The following EEF2 variants were observed in gnomAD, a reference collection of about 807,000 sequenced individuals.
EEF2 encodes eukaryotic translation elongation factor 2.
A neutral mutation model predicts 85.3 loss-of-function variants in EEF2; 21 were observed. The observed-to-expected ratio is 0.25, with a 90% confidence interval of 0.17 to 0.35. EEF2 has a LOEUF of 0.35. Among genes scored for constraint, EEF2 ranks in the 10% least tolerant of loss-of-function variants. EEF2 has a pLI of 1.00. For synonymous variants in EEF2, 723 were observed against 508.8 expected (o/e 1.42, Z -5.67); for missense variants, 825 against 1,225.3 (o/e 0.67, Z 4.88).
intron 11 of EEF2, 116 bp downstream of exon 11, chr19:3,979,213 G>A (rs1464814477): frequency 2.7e-5 from 20 of 753,122 alleles, no homozygotes; most frequent in East Asian, 2.5e-4. Context: ...TTAAGAAGCT[G>A]AGACCAAGAC....
Position 3,978,131 on chromosome 19 carries a change from T to C in EEF2, c.1755A>G (p.Glu585=), listed in dbSNP as rs1437101268. Residue 585 remains glutamate (E), a synonymous_variant, in exon 12 of 15, where the codon GAA becomes GAG. Coordinates refer to ENST00000309311, the MANE Select transcript of EEF2 (RefSeq NM_001961.4). ...TGGAGAGGCAGAGCACGTTCGACTC[T>C]TCACTGACCGTCTCGCGGTACGAGA... ...PVVSYRETVS[E]ESNVLCLSKS... 1 of 1,481,564 alleles carries C rather than the reference T, an allele frequency of 6.7e-7. No homozygotes were observed. The highest frequency in any genetic ancestry group is 1.4e-5 in the South Asian group (1 of 72,672). 91.8% of individuals were successfully genotyped at this position (1,481,564 alleles called of 1,614,324 possible). A position where few individuals can be genotyped will look rare whatever the true frequency, so the allele number is the denominator to read the frequency against.
chr19:3,980,338 A>T (rs2039729977), intron 9 of EEF2, among the ~76,000 whole-genome samples, 176 bp downstream of exon 9: 2 of 152,186 alleles, frequency 1.3e-5, no homozygotes, highest in Admixed American at 6.5e-5. Flanking sequence ...TGGGGCTTGG[A>T]GCTTCTCCAG....
intron 4 of EEF2, 157 bp downstream of exon 4, chr19:3,982,650 G>T (rs2039768756): frequency 1.8e-6 from 2 of 1,098,768 alleles, no homozygotes; most frequent in African/African-American, 1.5e-5. Context: ...ATCAAGGGCT[G>T]GGTCAAGTCG....
intron 1 of EEF2, 75 bp downstream of exon 1, chr19:3,985,303 T>A (rs2039806316): frequency 7.4e-7 from 1 of 1,343,266 alleles, no homozygotes; most frequent in African/African-American, 1.5e-5. Context: ...GGCCCCAGCG[T>A]CCCAGGCTAG....
chr19:3,985,186 G>A (rs1240511959), intron 1 of EEF2, 192 bp downstream of exon 1: 3 of 564,484 alleles, frequency 5.3e-6, no homozygotes, highest in South Asian at 6.7e-5. Flanking sequence ...CCTCGGAAAC[G>A]GAGAAAGGGC....
chr19:3,982,602 C>G (rs757521383), intron 4 of EEF2, 178 bp from the exon 5 acceptor site: 1 of 1,055,520 alleles, frequency 9.5e-7, no homozygotes, highest in East Asian at 2.4e-5. Context: ...CCACCCAGGG[C>G]AGCGTTCCCT....
chr19:3,984,410 G>C, intron 1 of EEF2, 60 bp from the exon 2 acceptor site: 1 of 1,570,176 alleles, frequency 6.4e-7, no homozygotes, highest in Non-Finnish European at 8.7e-7. Flanking sequence ...GCATGGCACG[G>C]AGCGTTCAGT....
At chr19:3,983,876 GAGTGGGGGCA>G in intron 2 of EEF2, 1 of 528,528 alleles carries the variant, frequency 1.9e-6, no homozygotes, top group East Asian at 3.3e-5. Context: ...GATATTGTAG[GAGTGGGGGCA>G]AGTCCCCCAG....
chr19:3,985,121 C>T (rs954875266), intron 1 of EEF2: 4 of 397,810 alleles, frequency 1.0e-5, no homozygotes, highest in Non-Finnish European at 1.8e-5. Context: ...TCATTCCCCA[C>T]CCCCATCCCC....
rs765059823 is a variant in EEF2, at chr19:3,979,383, G to A, written c.1659C>T (p.His553=). ...CCAGGTCCTTCAGGCAGATCTCCAG[G>A]TGCAGCTCGCCGGCGCCCGCGATGA... ...EHIIAGAGEL[H]LEICLKDLEE... Residue 553 remains histidine (H), a synonymous_variant, in exon 11 of 15, where the codon CAC becomes CAT. Transcript: ENST00000309311. The A allele has an allele frequency of 6.2e-7, 1 of 1,614,022 alleles. No homozygotes were observed. The highest frequency in any genetic ancestry group is 8.5e-7 in the Non-Finnish European group (1 of 1,180,018).
intron 2 of EEF2, 51 bp downstream of exon 2, chr19:3,984,085 C>A (rs370984769): frequency 6.3e-7 from 1 of 1,592,742 alleles, no homozygotes; most frequent in Non-Finnish European, 8.6e-7. Flanking sequence ...TGGCCTCCAG[C>A]TGCCAGGCCA....
In EEF2 at chr19:3,976,484, G is replaced by C; in HGVS notation, c.*70C>G. The C allele has an allele frequency of 2.0e-6, 3 of 1,528,072 alleles. No individual in the cohort carries two copies. Among genetic ancestry groups the C allele is most frequent in the Admixed American group, 3.9e-5 (2 of 50,808 alleles). 94.7% of individuals were successfully genotyped at this position (1,528,072 alleles called of 1,614,324 possible). ...TCGGGACAGTCTCCAGGTGTCGTCTGAGAATTCGAGGACGTGGTGCTGTGG... is the reference window on the plus strand; with the variant it reads ...TCGGGACAGTCTCCAGGTGTCGTCTCAGAATTCGAGGACGTGGTGCTGTGG... On this transcript the variant is annotated 3_prime_UTR_variant, in exon 15 of 15. Transcript: ENST00000309311.
chr19:3,982,094 G>A (rs1346310884), intron 5 of EEF2, 42 bp from the exon 6 acceptor site: 6 of 1,609,478 alleles, frequency 3.7e-6, no homozygotes, highest in Middle Eastern at 1.7e-4. Flanking sequence ...AGGGTCTCCA[G>A]GGGATGACTT....
At chr19:3,979,281 C>A (rs762365903) in intron 11 of EEF2, 48 bp downstream of exon 11, 15 of 1,467,894 alleles carry the variant, frequency 1.0e-5, no homozygotes, top group Non-Finnish European at 1.2e-5. Flanking sequence ...AAGCAGAGGG[C>A]AGGTGTCCGG....
chr19:3,984,033 A>G, intron 2 of EEF2, 103 bp downstream of exon 2: 2 of 1,230,256 alleles, frequency 1.6e-6, no homozygotes, highest in Non-Finnish European at 2.3e-6. Flanking sequence ...AAACCAGGGG[A>G]AAGAGACGTT....
In EEF2 at chr19:3,981,933, C is replaced by T; in HGVS notation, c.897+14G>A. On this transcript the variant is annotated intron_variant, in intron 6 of 14. Transcript: ENST00000309311. ...AGTCGCATCGGCGGGGTGCCTGGCGCAGCCCTCACTCACCTTGAAGATGGG... is the reference window on the plus strand; with the variant it reads ...AGTCGCATCGGCGGGGTGCCTGGCGTAGCCCTCACTCACCTTGAAGATGGG... 1 of 1,612,026 alleles carries T rather than the reference C, an allele frequency of 6.2e-7. No homozygotes were observed. Among genetic ancestry groups the T allele is most frequent in the Non-Finnish European group, 8.5e-7 (1 of 1,178,758 alleles).
intron 7 of EEF2, 111 bp downstream of exon 7, chr19:3,981,228 G>A (rs1440880939): frequency 8.6e-7 from 1 of 1,157,370 alleles, no homozygotes; most frequent in East Asian, 2.3e-5. Context: ...GAAAGGGGCA[G>A]CAGCTGTCCC....
At chr19:3,984,440 C>T (rs931932600) in intron 1 of EEF2, 90 bp from the exon 2 acceptor site, 2 of 1,418,352 alleles carry the variant, frequency 1.4e-6, no homozygotes, top group Non-Finnish European at 2.0e-6. Flanking sequence ...CCAGCATGCC[C>T]AAGGCCAGGA....
Position 3,985,433 on chromosome 19 carries a change from G to T in EEF2, c.-53C>A, listed in dbSNP as rs546488032. On this transcript the variant is annotated 5_prime_UTR_variant, in exon 1 of 15. Transcript: ENST00000309311. ...GGTAGAACCGAAAGAAGCGAGTCGC[G>T]CCGAGGATGGCGGCGACGACGGCGG... The T allele has an allele frequency of 1.4e-6, 2 of 1,454,330 alleles. No homozygotes were observed. The highest frequency in any genetic ancestry group is 1.5e-5 in the African/African-American group (1 of 68,736). 90.1% of individuals were successfully genotyped at this position (1,454,330 alleles called of 1,614,324 possible).
Sources: gnomAD v4.1 joint callset for allele counts (sites outside exome capture counted in the v4.1 genomes callset) on GRCh38, gnomAD v4.1.1 for gene constraint, MANE v1.5 for transcripts, NCBI Gene and HGNC (gene_info 2026-07-23, HGNC 2026-07-21) for gene names.